MRPS22: variants seen among roughly 807,000 people sequenced by gnomAD.
MRPS22 encodes the protein small ribosomal subunit protein mS22.
In MRPS22, 30 loss-of-function variants were observed where a neutral mutation model predicts 44.0. That is an observed-to-expected ratio of 0.68 (90% CI 0.51 to 0.93). The LOEUF (loss-of-function observed/expected upper bound fraction) is 0.93, where lower values mean the gene tolerates loss of function less well. Among genes scored for constraint, MRPS22 ranks in the 40% least tolerant of loss-of-function variants. The pLI is 0.00. For missense variants in MRPS22, 447 were observed against 447.8 expected (o/e 1.00, Z 0.02); for synonymous variants, 165 against 154.4 (o/e 1.07, Z -0.51).
rs751995648 is a variant in MRPS22, at chr3:139,355,708, A to G, written c.905A>G (p.Gln302Arg). The G allele has an allele frequency of 2.5e-6, 4 of 1,614,166 alleles. No homozygotes were observed. Among genetic ancestry groups the G allele is most frequent in the East Asian group, 2.2e-5 (1 of 44,880 alleles). ...DLIDDATNLV[Q>R]LYHVLHPDGQ... ...ATCGATGATGCAACCAACTTGGTCC[A>G]GCTGTATCACGTGCTCCATCCAGAT... Residue 302 changes from glutamine (Q) to arginine (R), a missense_variant, in exon 7 of 8, where the codon CAG becomes CGG. By Grantham distance (43) the Gln-to-Arg change is conservative (BLOSUM62 1). Coordinates refer to ENST00000680020, the MANE Select transcript of MRPS22 (RefSeq NM_020191.4).
intron 7 of MRPS22, 66 bp downstream of exon 7, chr3:139,355,856 G>A (rs1207560830): frequency 8.6e-7 from 1 of 1,165,832 alleles, no homozygotes; most frequent in Non-Finnish European, 1.3e-6. Flanking sequence ...TTCAGAATTG[G>A]GTCATAATTA....
chr3:139,351,225 T>C (rs1941145431), intron 5 of MRPS22, 165 bp downstream of exon 5: 1 of 633,798 alleles, frequency 1.6e-6, no homozygotes, highest in African/African-American at 1.8e-5. Flanking sequence ...TATTTTATAA[T>C]CACAACAACC....
chr3:139,354,775 C>CCTCA (rs1401751475), intron 6 of MRPS22, among the ~76,000 whole-genome samples: 1 of 152,104 alleles, frequency 6.6e-6, no homozygotes, highest in Non-Finnish European at 1.5e-5. Context: ...ATTAGGGTGT[C>CCTCA]CTCAGCCCTC....
intron 6 of MRPS22, 140 bp downstream of exon 6, chr3:139,352,932 G>C (rs991890247): frequency 3.3e-5 from 30 of 918,214 alleles, no homozygotes; most frequent in South Asian, 6.0e-5. Flanking sequence ...TGTTCTTTTA[G>C]TATAACCTAG....
chr3:139,356,028 C>A (rs1454713058), intron 7 of MRPS22, among the ~76,000 whole-genome samples: 3 of 152,094 alleles, frequency 2.0e-5, no homozygotes, highest in African/African-American at 7.2e-5. Context: ...CAGCTGGAGT[C>A]CAGAGAAGTT....
intron 6 of MRPS22, among the ~76,000 whole-genome samples, chr3:139,354,736 C>T (rs74846775): frequency 0.061 from 9,208 of 152,156 alleles, 386 homozygotes; most frequent in Middle Eastern, 0.13. Flanking sequence ...GCAGGGAAGG[C>T]TGAAGAGTGC....
At chr3:139,351,292 G>C in intron 5 of MRPS22, 1 of 508,780 alleles carries the variant, frequency 2.0e-6, no homozygotes, top group Non-Finnish European at 3.6e-6. Flanking sequence ...GCTGAAAGTT[G>C]CATAGCTACT....
At chr3:139,353,047 A>G (rs1941182318) in intron 6 of MRPS22, among the ~76,000 whole-genome samples, 1 of 152,162 alleles carries the variant, frequency 6.6e-6, no homozygotes, top group Non-Finnish European at 1.5e-5. Flanking sequence ...ATATTAACTT[A>G]TCCTGAGCTC....
At position 139,357,085 on chromosome 3, in the gene MRPS22, TA is replaced by T; in HGVS notation, c.*77del. The T allele has an allele frequency of 7.8e-7, 1 of 1,274,828 alleles. No individual in the cohort carries two copies. The highest frequency in any genetic ancestry group is 1.1e-6 in the Non-Finnish European group (1 of 895,638). 79.0% of individuals were successfully genotyped at this position (1,274,828 alleles called of 1,614,324 possible). A position where few individuals can be genotyped will look rare whatever the true frequency, so the allele number is the denominator to read the frequency against. On this transcript the variant is annotated 3_prime_UTR_variant, in exon 8 of 8. Transcript: ENST00000680020. ...TCTCTGTTAATATTGAGCTAAATGT[TA>T]AAAAATGGCCAGATTAAAAGATATC...
intron 1 of MRPS22, among the ~76,000 whole-genome samples, chr3:139,344,911 A>G (rs571620128): frequency 8.2e-4 from 125 of 152,312 alleles, no homozygotes; most frequent in African/African-American, 3.0e-3. Flanking sequence ...GAGATGGGAA[A>G]GGAGGCGGAA....
intron 4 of MRPS22, 125 bp from the exon 5 acceptor site, chr3:139,350,852 T>C: frequency 1.3e-6 from 1 of 783,688 alleles, no homozygotes; most frequent in Non-Finnish European, 2.3e-6. Context: ...GCCTGTGTTC[T>C]TTCTTTATGC....
intron 5 of MRPS22, chr3:139,352,312 G>T: frequency 7.4e-6 from 2 of 270,126 alleles, no homozygotes; most frequent in South Asian, 9.0e-5. Flanking sequence ...CTTATTCTGT[G>T]GCCTGCCATG....
At chr3:139,349,083 G>A (rs1941099142) in intron 3 of MRPS22, 1 of 331,890 alleles carries the variant, frequency 3.0e-6, no homozygotes, top group African/African-American at 2.2e-5. Flanking sequence ...TTTGAGCTAT[G>A]TTCAACACCA....
intron 1 of MRPS22, chr3:139,344,544 G>A (rs1488672458): frequency 1.6e-6 from 1 of 613,616 alleles, no homozygotes; most frequent in Non-Finnish European, 2.9e-6. Flanking sequence ...ACGCACACAG[G>A]AGAGGCACTC....
In MRPS22 at chr3:139,350,994, C is replaced by T. The variant is rs760106093; in HGVS notation, c.666C>T (p.Asp222=). Residue 222 remains aspartate, a synonymous_variant, in exon 5 of 8, where the codon GAC becomes GAT. Coordinates refer to ENST00000680020, the MANE Select transcript of MRPS22 (RefSeq NM_020191.4). The part of the protein sequence containing the change: ...EENLRTMYSQ[D]RHVDVLNLCF... ...GGTTTTAGACTATGTATAGCCAGGA[C>T]AGGCATGTTGATGTCCTCAATCTCT... 15 of 1,614,016 alleles carry T rather than the reference C, an allele frequency of 9.3e-6. No individual in the cohort carries two copies. The Admixed American group carries it at 1.5e-4, about 16-fold the overall frequency.
intron 2 of MRPS22, among the ~76,000 whole-genome samples, chr3:139,347,755 T>A (rs1209708339): frequency 6.6e-6 from 1 of 152,218 alleles, no homozygotes; most frequent in African/African-American, 2.4e-5. Flanking sequence ...TTTTTTCTTC[T>A]GTAAAATGGA....
rs761905618 is a variant in MRPS22 at position 139,356,912 on chromosome 3, T to TAAAC, written c.988-5_988-2dup. Reference sequence around the variant, plus strand: ...TTGTTTTAAAATTTTCTTTTTAATTTAAACAGGTCTTTGCAAAAACAGAAG... The same window carrying TAAAC: ...TTGTTTTAAAATTTTCTTTTTAATTTAAACAAACAGGTCTTTGCAAAAACAGAAG... On this transcript the variant is annotated splice_region_variant and splice_polypyrimidine_tract_variant and intron_variant, in intron 7 of 7. Coordinates refer to ENST00000680020, the MANE Select transcript of MRPS22 (RefSeq NM_020191.4). The TAAAC allele has an allele frequency of 2.1e-4, 339 of 1,605,692 alleles. No homozygotes were observed. The highest frequency in any genetic ancestry group is 2.5e-4 in the Non-Finnish European group (299 of 1,173,398).
intron 1 of MRPS22, among the ~76,000 whole-genome samples, chr3:139,345,438 G>T (rs76525911): frequency 1.6e-4 from 19 of 121,608 alleles, no homozygotes; most frequent in East Asian, 7.9e-4. Context: ...TGCCAGTGGT[G>T]TTTTTTTTTT....
chr3:139,346,139 G>A (rs142115605), intron 1 of MRPS22, among the ~76,000 whole-genome samples: 31 of 152,280 alleles, frequency 2.0e-4, no homozygotes, highest in African/African-American at 7.5e-4. Context: ...ATAACACACG[G>A]CCTCTTCAGT....
Sources: gnomAD v4.1 joint callset for allele counts (sites outside exome capture counted in the v4.1 genomes callset) on GRCh38, gnomAD v4.1.1 for gene constraint, MANE v1.5 for transcripts, NCBI Gene and HGNC (gene_info 2026-07-23, HGNC 2026-07-21) for gene names.